The following ADCY9 variants were observed in gnomAD, a reference collection of about 807,000 sequenced individuals.
The protein encoded by ADCY9 is adenylate cyclase type 9.
ADCY9 carries 50 observed loss-of-function variants against 101.5 expected under a neutral mutation model. The observed-to-expected ratio is 0.49, with a 90% CI of 0.39 to 0.62. The LOEUF (loss-of-function observed/expected upper bound fraction) is 0.62, where lower values mean the gene tolerates loss of function less well. ADCY9 is among the 20% of genes least tolerant of loss of function. The pLI is 0.00. For synonymous variants in ADCY9, 905 were observed against 769.3 expected (o/e 1.18, Z -2.92); for missense variants, 1,662 against 1,800.4 (o/e 0.92, Z 1.39).
intron 2 of ADCY9, among the ~76,000 whole-genome samples, chr16:4,055,319 G>C (rs1169494258): frequency 6.6e-6 from 1 of 151,848 alleles, no homozygotes; most frequent in Non-Finnish European, 1.5e-5. Flanking sequence ...GATCACTTGA[G>C]GTCAGGAGTT....
Position 3,964,912 on chromosome 16 carries a change from G to A in ADCY9, c.*863C>T, listed in dbSNP as rs980084005. 1.3e-5 allele frequency: 2 copies of A among 152,204 alleles called. No individual in the cohort carries two copies. The highest frequency in any genetic ancestry group is 2.9e-5 in the Non-Finnish European group (2 of 68,048). The allele number at this position is 152,204 out of a possible 1,614,324, so 9.4% of individuals were successfully genotyped here. A position where few individuals can be genotyped will look rare whatever the true frequency, so the allele number is the denominator to read the frequency against. ...TAAATAAATAAATAAATGCAACCTC[G>A]GATGTTTATTTGGTATTTCCCTCTC... On this transcript the variant is annotated 3_prime_UTR_variant, in exon 11 of 11. Transcript: ENST00000294016.
intron 6 of ADCY9, chr16:3,984,254 G>C (rs1597144517): frequency 6.6e-6 from 1 of 152,360 alleles, no homozygotes; most frequent in Middle Eastern, 3.4e-3. Flanking sequence ...CTGCTGCATG[G>C]CGGAGTCCTA....
At chr16:4,064,558 AGTTT>A (rs2056789857) in intron 2 of ADCY9, among the ~76,000 whole-genome samples, 1 of 152,168 alleles carries the variant, frequency 6.6e-6, no homozygotes, top group Non-Finnish European at 1.5e-5. Context: ...CTGCAGCCTC[AGTTT>A]CCTGGGCTCA....
At chr16:4,009,615 C>A (rs888188946) in intron 2 of ADCY9, among the ~76,000 whole-genome samples, 4 of 152,142 alleles carry the variant, frequency 2.6e-5, no homozygotes, top group Non-Finnish European at 5.9e-5. Flanking sequence ...TTTTCTCCAA[C>A]AAAAACCCAC....
chr16:3,959,258 G>A (rs2055925055), downstream of ADCY9, among the ~76,000 whole-genome samples: 1 of 151,844 alleles, frequency 6.6e-6, no homozygotes, highest in African/African-American at 2.4e-5. Context: ...CTACTTAGGA[G>A]GCAGAGACAG....
In ADCY9 at chr16:3,992,305, T is replaced by G; in HGVS notation, c.2048A>C (p.Glu683Ala). The G allele has an allele frequency of 6.2e-7, 1 of 1,614,140 alleles. No individual in the cohort carries two copies. Among genetic ancestry groups the G allele is most frequent in the Non-Finnish European group, 8.5e-7 (1 of 1,180,022 alleles). The change falls in exon 5 of 11, where the codon GAG becomes GCG. Residue 683 changes from glutamate to alanine, a missense_variant. Glu to Ala is a moderately radical substitution (Grantham distance 107). Around this residue, in one of 5 missense-constraint regions of ADCY9, gnomAD observed 624 missense variants for 639.1 expected, o/e 0.98. Transcript: ENST00000294016. The surrounding 1 kb of genome is among the most constrained non-coding windows in gnomAD (Gnocchi z 4.2). ...AGAAGTCTGACTGTTGGTGAGCTTC[T>G]CCTCTTGGGGAGGGCTGAGGAGCCC... ...QNGLLSPPQE[E>A]KLTNSQTSLC... is the part of the protein sequence containing the mutation.
chr16:4,052,358 G>T (rs2056707128), intron 2 of ADCY9, among the ~76,000 whole-genome samples: 2 of 152,136 alleles, frequency 1.3e-5, no homozygotes, highest in African/African-American at 4.8e-5. Context: ...GGTCGGTGCA[G>T]GCTATCCGGG....
intron 3 of ADCY9, among the ~76,000 whole-genome samples, chr16:3,995,758 G>T (rs2056282254): frequency 6.6e-6 from 1 of 152,124 alleles, no homozygotes; most frequent in African/African-American, 2.4e-5. Context: ...TTTAAAGTTA[G>T]ACTGCAGACC....
rs563866883 is a variant in ADCY9, at chr16:4,071,803, G to T, written c.1693+41947C>A. ...TTTTTTCATTGTTGTTCTGGCCCAC[G>T]AATTCTGGGTTTTTTTGTTTGGTTT... On this transcript the variant is annotated intron_variant, in intron 2 of 10. Coordinates refer to ENST00000294016, the MANE Select transcript of ADCY9 (RefSeq NM_001116.4). Among the ~76,000 whole-genome samples, 48 of 67,678 alleles carry T rather than the reference G, an allele frequency of 7.1e-4. 1 individual carries two copies. In the East Asian group the frequency reaches 0.011, roughly 16 times the overall value. The allele number at this position is 67,678 out of a possible 152,430, so 44.4% of individuals were successfully genotyped here.
intron 2 of ADCY9, among the ~76,000 whole-genome samples, chr16:4,102,716 C>T (rs768846906): frequency 2.0e-5 from 3 of 151,798 alleles, no homozygotes; most frequent in Non-Finnish European, 4.4e-5. Context: ...TGACTCACTG[C>T]GCCCAGCCAT....
chr16:4,105,677 CA>C (rs35983934), intron 2 of ADCY9, among the ~76,000 whole-genome samples: 58,247 of 81,726 alleles, frequency 0.71, 19,707 homozygotes, highest in East Asian at 0.9. Context: ...GACTCCGTCT[CA>C]AAAAAAAAAA....
chr16:4,047,373 T>C (rs370071023), intron 2 of ADCY9, among the ~76,000 whole-genome samples: 1 of 152,040 alleles, frequency 6.6e-6, no homozygotes, highest in East Asian at 1.9e-4. Flanking sequence ...ATTATCTTAA[T>C]TCTAAAATAT....
intron 2 of ADCY9, among the ~76,000 whole-genome samples, chr16:4,040,821 G>A (rs1227383252): frequency 2.6e-5 from 4 of 152,138 alleles, no homozygotes; most frequent in African/African-American, 9.7e-5. Flanking sequence ...ATCTACACGA[G>A]TCTTTTCACC....
At chr16:4,033,867 A>T (rs1245663273) in intron 2 of ADCY9, among the ~76,000 whole-genome samples, 1 of 152,194 alleles carries the variant, frequency 6.6e-6, no homozygotes, top group African/African-American at 2.4e-5. Flanking sequence ...GTGACTTTAC[A>T]GGGTTTTGAG....
chr16:3,954,133 T>G (rs533511210), intron 5 of ADCY9, among the ~76,000 whole-genome samples: 2 of 152,288 alleles, frequency 1.3e-5, no homozygotes, highest in African/African-American at 4.8e-5. Context: ...GTGAGGAGGA[T>G]GTACCCAGAG....
At chr16:4,044,336 G>A (rs990025234) in intron 2 of ADCY9, among the ~76,000 whole-genome samples, 1 of 150,942 alleles carries the variant, frequency 6.6e-6, no homozygotes, top group African/African-American at 2.4e-5. Context: ...AACAGAGTGA[G>A]ACTCCATCTC....
chr16:4,115,019 G>A lies in ADCY9; in HGVS notation c.424C>T (p.Leu142=). The stretch of plus-strand genomic sequence containing the variant: ...AGCGCGGGGGCGACCATGACGATCA[G>A]TCTGGATCTCATGTGGACCGCAAAA... ...IYFAVHMRSR[L]IVMVAPALCF... is the part of the protein sequence containing the mutation. Residue 142 remains leucine, a synonymous_variant, in exon 2 of 11, where the codon CTG becomes TTG. Transcript: ENST00000294016. This position sits in a 1 kb window ranked among gnomAD's most constrained non-coding sequence, Gnocchi z 6.2. The A allele has an allele frequency of 6.2e-7, 1 of 1,614,138 alleles. No individual in the cohort carries two copies. Among genetic ancestry groups the A allele is most frequent in the Non-Finnish European group, 8.5e-7 (1 of 1,180,040 alleles).
intron 2 of ADCY9, among the ~76,000 whole-genome samples, chr16:4,092,240 G>T (rs1048575965): frequency 4.6e-5 from 7 of 152,090 alleles, no homozygotes; most frequent in Non-Finnish European, 8.8e-5. Flanking sequence ...ACTGCACTCC[G>T]GTCTAGGCAA....
At position 3,963,175 on chromosome 16, in the gene ADCY9, G is replaced by A. The variant is rs533852274; in HGVS notation, c.*2600C>T. 50 of 317,666 alleles carry A rather than the reference G, an allele frequency of 1.6e-4. No homozygotes were observed. In the South Asian group the frequency reaches 8.4e-3, roughly 53 times the overall value. The allele number at this position is 317,666 out of a possible 1,614,324, so 19.7% of individuals were successfully genotyped here. A position where few individuals can be genotyped will look rare whatever the true frequency, so the allele number is the denominator to read the frequency against. ...ATAATTCGATCTGAGCTGGGACTGA[G>A]AAGAAAATAGCAATTGCAACTCAAA... On this transcript the variant is annotated 3_prime_UTR_variant, in exon 11 of 11. Transcript: ENST00000294016.
Sources: allele counts gnomAD v4.1 joint callset (sites outside exome capture counted in the v4.1 genomes callset), GRCh38; gene constraint gnomAD v4.1.1; regional missense constraint gnomAD v4.1.1; non-coding constraint Gnocchi (gnomAD v3.1); transcripts MANE v1.5; gene names NCBI Gene and HGNC (gene_info 2026-07-23, HGNC 2026-07-21).